The following PSTPIP2 variants were observed in gnomAD, a reference collection of about 807,000 sequenced individuals.
PSTPIP2 encodes the protein proline-serine-threonine phosphatase interacting protein 2.
Under a neutral mutation model 63.3 loss-of-function variants are expected in PSTPIP2, and 33 were observed. The observed-to-expected ratio is 0.52, with a 90% CI of 0.40 to 0.70. PSTPIP2 has a LOEUF of 0.70. Ranked by LOEUF, PSTPIP2 falls within the 30% of genes least tolerant of loss-of-function variation. The pLI is 0.00. For missense variants in PSTPIP2, 312 were observed against 400.7 expected, an observed-to-expected ratio of 0.78 and a Z score of 1.89; for synonymous variants, 125 against 132.7, an observed-to-expected ratio of 0.94 and a Z score of 0.40.
chr18:45,997,916 G>C, intron 8 of PSTPIP2, 88 bp from the exon 9 acceptor site: 1 of 1,147,898 alleles, frequency 8.7e-7, no homozygotes, highest in Non-Finnish European at 1.3e-6. Flanking sequence ...GATGGCAAAA[G>C]AAACTCATCC....
chr18:46,049,008 ATGTG>A (rs59638072), intron 1 of PSTPIP2, among the ~76,000 whole-genome samples: 17,068 of 136,148 alleles, frequency 0.13, 1,084 homozygotes, highest in African/African-American at 0.13. Flanking sequence ...GAAAAAAAGC[ATGTG>A]TGTGTGTGTG....
At chr18:46,071,714 C>T (rs964731665) in intron 1 of PSTPIP2, among the ~76,000 whole-genome samples, 1 of 152,240 alleles carries the variant, frequency 6.6e-6, no homozygotes, top group Non-Finnish European at 1.5e-5. Flanking sequence ...CCCCCAGATC[C>T]TCTCACGGCT....
intron 14 of PSTPIP2, among the ~76,000 whole-genome samples, chr18:45,987,829 A>AG (rs2051483179): frequency 6.6e-6 from 1 of 152,206 alleles, no homozygotes; most frequent in African/African-American, 2.4e-5. Context: ...TGAGTGCCTA[A>AG]GAAAAAGTCA....
chr18:46,052,784 G>A (rs918712074), intron 1 of PSTPIP2, among the ~76,000 whole-genome samples: 4 of 152,052 alleles, frequency 2.6e-5, no homozygotes, highest in South Asian at 2.1e-4. Context: ...GTTCATTATC[G>A]ATGAATCAGA....
At chr18:46,057,173 C>T (rs1908787853) in intron 1 of PSTPIP2, among the ~76,000 whole-genome samples, 1 of 152,122 alleles carries the variant, frequency 6.6e-6, no homozygotes. Flanking sequence ...AGTGCCTCAG[C>T]CTAGCCCTGG....
intron 5 of PSTPIP2, among the ~76,000 whole-genome samples, chr18:46,009,345 T>C (rs537573264): frequency 2.2e-4 from 30 of 136,646 alleles, no homozygotes; most frequent in Non-Finnish European, 4.2e-4. Context: ...CACATTTTCT[T>C]CCAAAGTTTT....
At chr18:46,067,790 G>T (rs944713405) in intron 1 of PSTPIP2, among the ~76,000 whole-genome samples, 2 of 152,160 alleles carry the variant, frequency 1.3e-5, no homozygotes, top group African/African-American at 2.4e-5. Context: ...GGAGCTCTCT[G>T]AACCTTTACT....
intron 1 of PSTPIP2, among the ~76,000 whole-genome samples, chr18:46,041,434 G>A (rs1196124714): frequency 6.6e-6 from 1 of 152,068 alleles, no homozygotes; most frequent in African/African-American, 2.4e-5. Flanking sequence ...TTTAGTAAAG[G>A]TGAGGGTCTC....
At chr18:46,053,984 T>C (rs1369250089) in intron 1 of PSTPIP2, among the ~76,000 whole-genome samples, 1 of 152,162 alleles carries the variant, frequency 6.6e-6, no homozygotes, top group Non-Finnish European at 1.5e-5. Flanking sequence ...AGAGTGTAGT[T>C]ACACAAACCT....
At chr18:46,004,857 G>T (rs953993535) in intron 6 of PSTPIP2, among the ~76,000 whole-genome samples, 2 of 152,132 alleles carry the variant, frequency 1.3e-5, no homozygotes, top group Non-Finnish European at 2.9e-5. Context: ...TCCCATTACT[G>T]GGTATACACC....
intron 14 of PSTPIP2, among the ~76,000 whole-genome samples, chr18:45,987,874 A>T (rs537285177): frequency 6.6e-6 from 1 of 152,338 alleles, no homozygotes. Flanking sequence ...CAGTTGGCTT[A>T]GCAGTGTTCA....
At position 45,997,833 on chromosome 18, in the gene PSTPIP2, A is replaced by G. The variant is rs763138387; in HGVS notation, c.563-5T>C. ...TGTGCAGCATGTATGCTTTGTCTGC[A>G]ACAGAAGGGAGAGACCTGGGTCAGA... is the stretch of plus-strand genomic sequence containing the variant. On this transcript the variant is annotated splice_region_variant and splice_polypyrimidine_tract_variant and intron_variant, in intron 8 of 14. Transcript: ENST00000409746. 1.3e-5 allele frequency: 21 copies of G among 1,606,828 alleles called. No homozygotes were observed. The highest frequency in any genetic ancestry group is 5.1e-5 in the Admixed American group (3 of 59,336).
At chr18:46,007,608 A>G (rs640986) in intron 5 of PSTPIP2, among the ~76,000 whole-genome samples, 107,054 of 152,200 alleles carry the variant, frequency 0.7, 39,009 homozygotes, top group African/African-American at 0.9. Flanking sequence ...TCTATTCCAA[A>G]GTCTTTTCTA....
At position 46,013,507 on chromosome 18, in the gene PSTPIP2, C is replaced by G. The variant is rs1401845798; in HGVS notation, c.248-2220G>C. Among the ~76,000 whole-genome samples the G allele has an allele frequency of 2.6e-5, 4 of 151,960 alleles. No individual in the cohort carries two copies. The East Asian group carries it at 7.8e-4, about 30-fold the overall frequency. On this transcript the variant is annotated intron_variant, in intron 4 of 14. Coordinates refer to ENST00000409746, the MANE Select transcript of PSTPIP2 (RefSeq NM_024430.4). ...GAAGAATATTAGAACTGGATAGGAC[C>G]CCTTGAAAACCAAAGTGCCAGTGCC...
intron 9 of PSTPIP2, 146 bp downstream of exon 9, chr18:45,997,603 C>CCCTT: frequency 7.9e-6 from 1 of 127,210 alleles, no homozygotes; most frequent in Non-Finnish European, 1.7e-5. Context: ...CTCCCGCCCC[C>CCCTT]TCGTCCTCCC....
At chr18:46,018,113 T>C (rs184813889) in intron 3 of PSTPIP2, among the ~76,000 whole-genome samples, 19 of 152,274 alleles carry the variant, frequency 1.2e-4, no homozygotes, top group Admixed American at 2.6e-4. Flanking sequence ...CTTAATTCAC[T>C]CTTTTATTTT....
At position 46,036,010 on chromosome 18, in the gene PSTPIP2, TAAA is replaced by T. The variant is rs879444634; in HGVS notation, c.134+3934_134+3936del. On this transcript the variant is annotated intron_variant, in intron 2 of 14. Transcript: ENST00000409746. Reference sequence around the variant, plus strand: ...TGTGCTTTTCCAGCTGACAGAAGGGTAAACTAGATAAATTTACAATTTACTGAT... The same window carrying T: ...TGTGCTTTTCCAGCTGACAGAAGGGTCTAGATAAATTTACAATTTACTGAT... Among the ~76,000 whole-genome samples the T allele has an allele frequency of 4.7e-3, 711 of 152,152 alleles. 11 individuals are homozygous for T. The highest frequency in any genetic ancestry group is 0.029 in the Admixed American group (447 of 15,272).
chr18:46,058,708 T>C (rs1228615620), intron 1 of PSTPIP2, among the ~76,000 whole-genome samples: 1 of 152,112 alleles, frequency 6.6e-6, no homozygotes, highest in Non-Finnish European at 1.5e-5. Context: ...AATAAATAGC[T>C]CATGGAATCC....
chr18:46,062,717 G>A (rs1483982054), intron 1 of PSTPIP2, among the ~76,000 whole-genome samples: 2 of 151,946 alleles, frequency 1.3e-5, no homozygotes, highest in East Asian at 1.9e-4. Flanking sequence ...GGGTTTCACC[G>A]TGTTAGCCAG....
Sources: allele counts gnomAD v4.1 joint callset (sites outside exome capture counted in the v4.1 genomes callset), GRCh38; gene constraint gnomAD v4.1.1; transcripts MANE v1.5; gene names NCBI Gene and HGNC (gene_info 2026-07-23, HGNC 2026-07-21).